FHIT: variants seen among roughly 807,000 people sequenced by gnomAD.
FHIT encodes bis(5'-adenosyl)-triphosphatase.
A neutral mutation model predicts 17.9 loss-of-function variants in FHIT; 19 were observed. That is an observed-to-expected ratio of 1.06 (90% CI 0.74 to 1.56). The LOEUF is 1.56. Among genes scored for constraint, FHIT ranks in the 40% most tolerant of loss-of-function variants. The pLI is 0.00. For missense variants in FHIT, 248 were observed against 189.2 expected, an observed-to-expected ratio of 1.31 and a Z score of -1.82; for synonymous variants, 81 against 69.7, an observed-to-expected ratio of 1.16 and a Z score of -0.81.
rs767761151 is a variant in FHIT, at chr3:59,753,913, A to AGAT, written c.349-1595_349-1593dup. The stretch of plus-strand genomic sequence containing the variant: ...ACAGTGTCCCTAAAGAGCATCCCAC[A>AGAT]GATACTGTTCCACTCCATTTTGAAA... On this transcript the variant is annotated intron_variant, in intron 8 of 9. Transcript: ENST00000492590. Among the ~76,000 whole-genome samples, 29 of 152,312 alleles carry AGAT rather than the reference A, an allele frequency of 1.9e-4. No homozygotes were observed. In the East Asian group the frequency reaches 4.8e-3, roughly 25 times the overall value.
At chr3:60,174,304 C>G (rs1701570248) in intron 5 of FHIT, among the ~76,000 whole-genome samples, 2 of 151,924 alleles carry the variant, frequency 1.3e-5, no homozygotes, top group African/African-American at 4.8e-5. Context: ...GGTAAGGGAC[C>G]CACCCAAGCC....
chr3:61,240,222 T>C (rs1384129587), intron 1 of FHIT, among the ~76,000 whole-genome samples: 1 of 152,218 alleles, frequency 6.6e-6, no homozygotes, highest in Non-Finnish European at 1.5e-5. Context: ...GCAAATGGGA[T>C]TTCAAACTAC....
chr3:60,596,893 T>C (rs184566104), intron 4 of FHIT, among the ~76,000 whole-genome samples: 11 of 152,288 alleles, frequency 7.2e-5, no homozygotes, highest in African/African-American at 2.6e-4. Flanking sequence ...ATTGTCCCCC[T>C]GTGCTGTTTC....
intron 5 of FHIT, among the ~76,000 whole-genome samples, chr3:60,334,363 C>A (rs988975785): frequency 5.3e-5 from 8 of 152,174 alleles, no homozygotes; most frequent in Non-Finnish European, 1.0e-4. Context: ...TTTAAAGGAG[C>A]AAATTCAGGA....
intron 4 of FHIT, among the ~76,000 whole-genome samples, chr3:60,643,750 T>C (rs1553686005): frequency 6.6e-6 from 1 of 152,230 alleles, no homozygotes; most frequent in Non-Finnish European, 1.5e-5. Flanking sequence ...TAGTAGTATC[T>C]GCATTAAGTA....
At chr3:59,861,482 A>G (rs1702402409) in intron 8 of FHIT, among the ~76,000 whole-genome samples, 1 of 152,234 alleles carries the variant, frequency 6.6e-6, no homozygotes, top group South Asian at 2.1e-4. Context: ...ATTTTTGAAA[A>G]TGCAGAAACT....
intron 2 of FHIT, among the ~76,000 whole-genome samples, chr3:61,093,880 G>A (rs2035558598): frequency 6.6e-6 from 1 of 152,114 alleles, no homozygotes; most frequent in Admixed American, 6.5e-5. Flanking sequence ...TACTAGTCTT[G>A]TTATATATTA....
chr3:59,852,082 A>C (rs1336649065), intron 8 of FHIT, among the ~76,000 whole-genome samples: 3 of 152,156 alleles, frequency 2.0e-5, no homozygotes, highest in Non-Finnish European at 4.4e-5. Context: ...TGAAAATCAC[A>C]TATAATCATT....
intron 8 of FHIT, among the ~76,000 whole-genome samples, chr3:59,877,597 C>G (rs1370441632): frequency 6.6e-6 from 1 of 152,138 alleles, no homozygotes; most frequent in Non-Finnish European, 1.5e-5. Flanking sequence ...AAGACATTGA[C>G]CATGTTCAGA....
At chr3:60,895,768 T>A (rs1290974952) in intron 3 of FHIT, among the ~76,000 whole-genome samples, 3 of 150,826 alleles carry the variant, frequency 2.0e-5, no homozygotes, top group Admixed American at 1.3e-4. Context: ...CTCATTTGAT[T>A]CTTAAGTGTC....
intron 5 of FHIT, among the ~76,000 whole-genome samples, chr3:60,258,090 ACACACACACACC>A (rs1213379182): frequency 1.4e-5 from 2 of 144,756 alleles, no homozygotes; most frequent in African/African-American, 5.0e-5. Flanking sequence ...ACACACACAC[ACACACACACACC>A]TCTGCAGATT....
chr3:60,443,351 A>G (rs2031063405), intron 5 of FHIT, among the ~76,000 whole-genome samples: 1 of 152,162 alleles, frequency 6.6e-6, no homozygotes, highest in South Asian at 2.1e-4. Flanking sequence ...GTCTTGTGCC[A>G]GTTTTCAAAG....
In FHIT at chr3:60,185,416, T is replaced by C. The variant is rs545050385; in HGVS notation, c.104-171264A>G. On this transcript the variant is annotated intron_variant, in intron 5 of 9. Transcript: ENST00000492590. ...AGACTAGCTTCTTTCCTTAGCAATA[T>C]ACATTTACTATTCATCCATGTTTCT... Among the ~76,000 whole-genome samples, 83 of 152,334 alleles carry C rather than the reference T, an allele frequency of 5.4e-4. No homozygotes were observed. The South Asian group carries it at 0.016, about 30-fold the overall frequency.
intron 3 of FHIT, among the ~76,000 whole-genome samples, chr3:60,844,459 C>T (rs904092757): frequency 1.3e-5 from 2 of 152,028 alleles, no homozygotes; most frequent in African/African-American, 2.4e-5. Context: ...GATGATAAAA[C>T]CTGTTTCCTA....
At chr3:60,955,623 T>TATAC (rs1559862431) in intron 3 of FHIT, among the ~76,000 whole-genome samples, 58 of 15,398 alleles carry the variant, frequency 3.8e-3, no homozygotes, top group South Asian at 0.014. Flanking sequence ...TATATATATA[T>TATAC]ATATATATAT....
chr3:60,945,549 T>G (rs1482712468), intron 3 of FHIT, among the ~76,000 whole-genome samples: 1 of 152,118 alleles, frequency 6.6e-6, no homozygotes, highest in African/African-American at 2.4e-5. Context: ...TCCATCACCA[T>G]GCCCCGCTTA....
At chr3:60,433,790 G>C (rs921966387) in intron 5 of FHIT, among the ~76,000 whole-genome samples, 12 of 152,054 alleles carry the variant, frequency 7.9e-5, no homozygotes, top group African/African-American at 2.9e-4. Context: ...TGGCTATTGA[G>C]TTATAGGAAT....
intron 8 of FHIT, among the ~76,000 whole-genome samples, chr3:59,832,753 A>C (rs1229857673): frequency 2.0e-5 from 3 of 152,188 alleles, no homozygotes; most frequent in Non-Finnish European, 4.4e-5. Flanking sequence ...TTTCAATAAG[A>C]ACTCAGCCTC....
intron 5 of FHIT, among the ~76,000 whole-genome samples, chr3:60,168,658 C>A (rs1701284767): frequency 6.6e-6 from 1 of 152,178 alleles, no homozygotes; most frequent in South Asian, 2.1e-4. Flanking sequence ...AAAGGAAGAA[C>A]CGTGTTTTTG....
Sources: allele counts gnomAD v4.1 joint callset (sites outside exome capture counted in the v4.1 genomes callset), GRCh38; gene constraint gnomAD v4.1.1; transcripts MANE v1.5; gene names NCBI Gene and HGNC (gene_info 2026-07-23, HGNC 2026-07-21).